Variants in NOS1 observed in about 807,000 individuals in gnomAD.
NOS1 encodes NOS type I.
Under a neutral mutation model 164.5 loss-of-function variants are expected in NOS1, and 51 were observed. The ratio of observed to expected loss-of-function variants is 0.31; its 90% confidence interval spans 0.25 to 0.39. The LOEUF (loss-of-function observed/expected upper bound fraction) is 0.39, where lower values mean the gene tolerates loss of function less well. Among genes scored for constraint, NOS1 ranks in the 10% least tolerant of loss-of-function variants. NOS1 has a pLI of 1.00. For synonymous variants in NOS1, 719 were observed against 745.8 expected, an observed-to-expected ratio of 0.96 and a Z score of 0.59; for missense variants, 1,362 against 1,885.6, an observed-to-expected ratio of 0.72 and a Z score of 5.14.
rs981351007 is a variant in NOS1 at position 117,290,166 on chromosome 12, G to A, written c.981+132C>T. 15 of 1,038,926 alleles carry A rather than the reference G, an allele frequency of 1.4e-5. No individual in the cohort carries two copies. In the African/African-American group the frequency reaches 2.3e-4, roughly 16 times the overall value. The allele number at this position is 1,038,926 out of a possible 1,614,324, so 64.4% of individuals were successfully genotyped here. A position where few individuals can be genotyped will look rare whatever the true frequency, so the allele number is the denominator to read the frequency against. ...GGAAGGGGGCGTACTGACATCTAGGGGGTATGGGTCAGGGGTGGTGCTCAA... is the reference window on the plus strand; with the variant it reads ...GGAAGGGGGCGTACTGACATCTAGGAGGTATGGGTCAGGGGTGGTGCTCAA... On this transcript the variant is annotated intron_variant, in intron 4 of 28. Coordinates refer to ENST00000317775, the MANE Select transcript of NOS1 (RefSeq NM_000620.5).
intron 3 of NOS1, among the ~76,000 whole-genome samples, chr12:117,302,323 G>A (rs1194285702): frequency 4.6e-5 from 7 of 152,128 alleles, no homozygotes; most frequent in South Asian, 2.1e-4. Context: ...CGGCCGGCGC[G>A]GTGGCTCACG....
chr12:117,351,208 G>C (rs923615071), intron 1 of NOS1, among the ~76,000 whole-genome samples: 2 of 152,160 alleles, frequency 1.3e-5, no homozygotes, highest in Non-Finnish European at 2.9e-5. Context: ...GGGAGAAGCC[G>C]AGAAGCCAGG....
At chr12:117,290,604 C>A (rs1566061385) in intron 3 of NOS1, among the ~76,000 whole-genome samples, 178 bp from the exon 4 acceptor site, 1 of 152,002 alleles carries the variant, frequency 6.6e-6, no homozygotes, top group African/African-American at 2.4e-5. Flanking sequence ...TCCTGGGAAC[C>A]TGATTTCCCC....
In NOS1 at chr12:117,330,387, G is replaced by A. The variant is rs761832596; in HGVS notation, c.683C>T (p.Pro228Leu). 4.1e-5 allele frequency: 66 copies of A among 1,613,810 alleles called. No homozygotes were observed. The highest frequency in any genetic ancestry group is 5.3e-5 in the Non-Finnish European group (63 of 1,179,950). Residue 228 changes from proline to leucine, a missense_variant, in exon 2 of 29, where the codon CCT becomes CTT. By Grantham distance (98) the Pro-to-Leu change is moderately conservative. Transcript: ENST00000317775. This position sits in a 1 kb window ranked among gnomAD's most constrained non-coding sequence, Gnocchi z 4.6. The part of the protein sequence containing the change: ...SGSRGVKGGA[P>L]AKAEMKDMGI... ...CATATCTTTCATCTCTGCCTTGGCAGGTGCCCCTCCCTTGACCCCTCTGCT... is the reference window on the plus strand; with the variant it reads ...CATATCTTTCATCTCTGCCTTGGCAAGTGCCCCTCCCTTGACCCCTCTGCT...
intron 4 of NOS1, among the ~76,000 whole-genome samples, chr12:117,288,544 G>C (rs1179266613): frequency 6.6e-6 from 1 of 152,126 alleles, no homozygotes; most frequent in Non-Finnish European, 1.5e-5. Flanking sequence ...CTAATAGAGT[G>C]GCTACAGTAA....
Position 117,302,326 on chromosome 12 carries a change from G to A in NOS1, c.852+9140C>T, listed in dbSNP as rs986786444. Among the ~76,000 whole-genome samples the A allele has an allele frequency of 4.6e-5, 7 of 152,258 alleles. No homozygotes were observed. In the South Asian group the frequency reaches 8.3e-4, roughly 18 times the overall value. ...ATAATTAGTTGTCGGCCGGCGCGGT[G>A]GCTCACGCCTGTAATCCCAGCACTT... is the stretch of plus-strand genomic sequence containing the variant. On this transcript the variant is annotated intron_variant, in intron 3 of 28. Transcript: ENST00000317775.
intron 2 of NOS1, among the ~76,000 whole-genome samples, chr12:117,322,998 G>A (rs1268649091): frequency 1.3e-5 from 2 of 151,402 alleles, no homozygotes; most frequent in Non-Finnish European, 2.9e-5. Context: ...GAGACCATGG[G>A]TGGGAACCAG....
At position 117,213,630 on chromosome 12, in the gene NOS1, C is replaced by G. The variant is rs936405592; in HGVS notation, c.*1679G>C. 2.0e-6 allele frequency: 2 copies of G among 985,320 alleles called. No individual in the cohort carries two copies. Among genetic ancestry groups the G allele is most frequent in the African/African-American group, 3.5e-5 (2 of 57,232 alleles). 61.0% of individuals were successfully genotyped at this position (985,320 alleles called of 1,614,324 possible). A position where few individuals can be genotyped will look rare whatever the true frequency, so the allele number is the denominator to read the frequency against. ...CTTTCAAAGAGGGCCAGTGCACTTC[C>G]TCTTTAGCAGACACCCAAACTGAAC... On this transcript the variant is annotated 3_prime_UTR_variant, in exon 29 of 29. Coordinates refer to ENST00000317775, the MANE Select transcript of NOS1 (RefSeq NM_000620.5).
chr12:117,281,925 C>T (rs1873706615), intron 7 of NOS1, among the ~76,000 whole-genome samples: 1 of 152,010 alleles, frequency 6.6e-6, no homozygotes, highest in Admixed American at 6.5e-5. Flanking sequence ...GCCCACCCTC[C>T]TTACCAAACC....
At chr12:117,309,443 T>G in intron 3 of NOS1, 1 of 919,368 alleles carries the variant, frequency 1.1e-6, no homozygotes, top group Non-Finnish European at 1.3e-6. Context: ...GAGGCCTTGT[T>G]TAGGTGCGCT....
intron 18 of NOS1, among the ~76,000 whole-genome samples, chr12:117,245,046 TTGTC>T (rs1870513270): frequency 1.3e-5 from 2 of 152,134 alleles, no homozygotes; most frequent in Admixed American, 1.3e-4. Context: ...TCATCTCTCT[TTGTC>T]TGGGAGGAAA....
At chr12:117,274,724 G>A (rs1873037329) in intron 9 of NOS1, among the ~76,000 whole-genome samples, 1 of 148,166 alleles carries the variant, frequency 6.7e-6, no homozygotes, top group Admixed American at 6.8e-5. Flanking sequence ...GAGCCAAGAT[G>A]GCGCTACTGC....
rs145235328 is a variant in NOS1 at position 117,330,996 on chromosome 12, A to G, written c.74T>C (p.Val25Ala). 5 of 1,614,172 alleles carry G rather than the reference A, an allele frequency of 3.1e-6. No individual in the cohort carries two copies. Among genetic ancestry groups the G allele is most frequent in the African/African-American group, 2.7e-5 (2 of 75,028 alleles). Residue 25 changes from valine to alanine, a missense_variant, in exon 2 of 29, where the codon GTT (valine) becomes GCT (alanine). Coordinates refer to ENST00000317775, the MANE Select transcript of NOS1 (RefSeq NM_000620.5). This position sits in a 1 kb window ranked among gnomAD's most constrained non-coding sequence, Gnocchi z 4.6. ...CTTCACCAGAAATCCCAGGCCCCCA[A>G]CTTTGCGCTTGAAGAGACGAACAGA... Reference protein sequence around the residue: ...VISVRLFKRKVGGLGFLVKER... With the variant: ...VISVRLFKRKAGGLGFLVKER...
intron 17 of NOS1, among the ~76,000 whole-genome samples, chr12:117,248,957 G>A (rs1870875050): frequency 6.6e-6 from 1 of 152,158 alleles, no homozygotes; most frequent in Non-Finnish European, 1.5e-5. Context: ...GTGATGGTGA[G>A]CATTTTTTCA....
In NOS1 at chr12:117,330,328, A is replaced by ACACCCC; in HGVS notation, c.725+16_725+17insGGGGTG. ...CACACACACACACACACACACACAC[A>ACACCCC]CCCCTGTGGAGCTTACCTGTCCACC... On this transcript the variant is annotated intron_variant, in intron 2 of 28. Transcript: ENST00000317775. This position sits in a 1 kb window ranked among gnomAD's most constrained non-coding sequence, Gnocchi z 4.6. The ACACCCC allele has an allele frequency of 1.9e-6, 3 of 1,595,100 alleles. No homozygotes were observed. The South Asian group carries it at 3.4e-5, about 18-fold the overall frequency.
intron 1 of NOS1, among the ~76,000 whole-genome samples, chr12:117,340,127 C>T (rs1159199235): frequency 6.6e-6 from 1 of 152,110 alleles, no homozygotes; most frequent in Non-Finnish European, 1.5e-5. Context: ...GCTTTGGCCT[C>T]CTGAGTAACT....
chr12:117,342,421 G>C (rs940328866), intron 1 of NOS1, among the ~76,000 whole-genome samples: 1 of 152,156 alleles, frequency 6.6e-6, no homozygotes, highest in African/African-American at 2.4e-5. Flanking sequence ...GGGTGGTGGT[G>C]GTCAGGGAAG....
intron 1 of NOS1, among the ~76,000 whole-genome samples, chr12:117,359,378 G>GA (rs34539949): frequency 0.2 from 30,819 of 152,208 alleles, 3,344 homozygotes; most frequent in Admixed American, 0.25. Context: ...AATAACGGGG[G>GA]AAAAAATCTA....
chr12:117,209,661 C>G lies in NOS1; in HGVS notation c.*5648G>C. ...GGCATATTGACAGCTGACCACCTCC[C>G]TCGCACATGGCTTTGATAAGTATTA... On this transcript the variant is annotated 3_prime_UTR_variant, in exon 29 of 29. Coordinates refer to ENST00000317775, the MANE Select transcript of NOS1 (RefSeq NM_000620.5). 1 of 985,496 alleles carries G rather than the reference C, an allele frequency of 1.0e-6. No homozygotes were observed. The highest frequency in any genetic ancestry group is 1.2e-6 in the Non-Finnish European group (1 of 829,952). The allele number at this position is 985,496 out of a possible 1,614,324, so 61.0% of individuals were successfully genotyped here.
Sources: allele counts gnomAD v4.1 joint callset (sites outside exome capture counted in the v4.1 genomes callset), GRCh38; gene constraint gnomAD v4.1.1; non-coding constraint Gnocchi (gnomAD v3.1); transcripts MANE v1.5; gene names NCBI Gene and HGNC (gene_info 2026-07-23, HGNC 2026-07-21).